The following CEP290 variants were observed in gnomAD, a reference collection of about 807,000 sequenced individuals.
CEP290 encodes the protein centrosomal protein 290.
CEP290 carries 317 observed loss-of-function variants against 344.9 expected under a neutral mutation model. The observed-to-expected ratio is 0.92, with a 90% confidence interval of 0.84 to 1.01. The LOEUF (loss-of-function observed/expected upper bound fraction) is 1.01. Among genes scored for constraint, CEP290 ranks in the 50% least tolerant of loss-of-function variants. The pLI is 0.00. For missense variants in CEP290, 2,754 were observed against 2,761.4 expected (o/e 1.00, Z 0.06); for synonymous variants, 932 against 895.8 (o/e 1.04, Z -0.72).
Position 88,106,759 on chromosome 12 carries a change from TC to T in CEP290, c.2732del (p.Arg911LysfsTer43). Reference protein sequence around the residue: ...TTLVELERQLRKENEKQKNEL... With the variant: ...TTLVELERQLXKENEKQKNEL... ...CATTCTTTTGCTTCTCATTTTCTTT[TC>T]TAAGTTGTCGCTCCAATTCTACTAA... On this transcript the variant is annotated frameshift_variant, in exon 25 of 54. Coordinates refer to ENST00000552810, the MANE Select transcript of CEP290 (RefSeq NM_025114.4). LOFTEE classifies it high-confidence loss of function. 6.2e-7 allele frequency: 1 copy of T among 1,610,972 alleles called. No individual in the cohort carries two copies. The highest frequency in any genetic ancestry group is 8.5e-7 in the Non-Finnish European group (1 of 1,178,360).
chr12:88,082,074 G>A (rs1160613681), intron 37 of CEP290, among the ~76,000 whole-genome samples: 1 of 152,168 alleles, frequency 6.6e-6, no homozygotes, highest in Non-Finnish European at 1.5e-5. Context: ...AGGGGCTTGA[G>A]AGCTGAAATG....
chr12:88,130,194 A>C, intron 9 of CEP290, 74 bp downstream of exon 9: 1 of 1,355,232 alleles, frequency 7.4e-7, no homozygotes, highest in Admixed American at 2.3e-5. Flanking sequence ...GTAGGGCTAA[A>C]TATTATATTT....
chr12:88,083,791 A>C, intron 36 of CEP290, 56 bp downstream of exon 36: 1 of 1,146,854 alleles, frequency 8.7e-7, no homozygotes, highest in Non-Finnish European at 1.2e-6. Flanking sequence ...GCTGAATTTT[A>C]ATTTACATGG....
chr12:88,112,198 A>G (rs2038737023), intron 20 of CEP290, among the ~76,000 whole-genome samples: 1 of 152,098 alleles, frequency 6.6e-6, no homozygotes, highest in Non-Finnish European at 1.5e-5. Context: ...AATTCTCTGT[A>G]TCTTAGTTTT....
chr12:88,083,276 C>T lies in CEP290; in HGVS notation c.4813-46G>A, dbSNP rs1026492019. The stretch of plus-strand genomic sequence containing the variant: ...AGCAATAGGCATGTATAATTCAATG[C>T]CATACTTATTCCATATTTTTAATTT... On this transcript the variant is annotated intron_variant, in intron 36 of 53. Transcript: ENST00000552810. 4 of 1,034,698 alleles carry T rather than the reference C, an allele frequency of 3.9e-6. No homozygotes were observed. In the African/African-American group the frequency reaches 5.1e-5, roughly 13 times the overall value. 64.1% of individuals were successfully genotyped at this position (1,034,698 alleles called of 1,614,324 possible). A position where few individuals can be genotyped will look rare whatever the true frequency, so the allele number is the denominator to read the frequency against.
chr12:88,083,901 G>A lies in CEP290; in HGVS notation c.4758C>T (p.His1586=), dbSNP rs896218309. The part of the protein sequence containing the change: ...KHEEDLHILH[H]RLELQADSSL... ...AACTATCAGCCTGTAGTTCTAATCT[G>A]TGATGAAGAATATGAAGGTCTTCCT... Residue 1586 remains histidine, a synonymous_variant, in exon 36 of 54, where the codon CAC becomes CAT. Coordinates refer to ENST00000552810, the MANE Select transcript of CEP290 (RefSeq NM_025114.4). The A allele has an allele frequency of 2.5e-6, 4 of 1,600,112 alleles. No individual in the cohort carries two copies. The highest frequency in any genetic ancestry group is 2.6e-6 in the Non-Finnish European group (3 of 1,173,128).
At position 88,086,088 on chromosome 12, in the gene CEP290, T is replaced by C; in HGVS notation, c.4388A>G (p.Asn1463Ser). 6.2e-7 allele frequency: 1 copy of C among 1,613,184 alleles called. No homozygotes were observed. Among genetic ancestry groups the C allele is most frequent in the Non-Finnish European group, 8.5e-7 (1 of 1,179,562 alleles). ...LEIALRKIKENIRIILETRAT... is the reference protein window; with the variant it reads ...LEIALRKIKESIRIILETRAT... Reference sequence around the variant, plus strand: ...CCGTGTTTCTAGAATTATTCGAATGTTCTCCTTAATTTTCCTTAGAGCGAT... The same window carrying C: ...CCGTGTTTCTAGAATTATTCGAATGCTCTCCTTAATTTTCCTTAGAGCGAT... Residue 1463 changes from asparagine to serine, a missense_variant, in exon 34 of 54, where the codon AAC (asparagine) becomes AGC (serine). Asn to Ser is a conservative substitution (Grantham distance 46). Transcript: ENST00000552810.
chr12:88,118,337 T>A lies in CEP290; in HGVS notation c.1711+146A>T, dbSNP rs542276970. 1.2e-5 allele frequency: 8 copies of A among 648,086 alleles called. No homozygotes were observed. The East Asian group carries it at 1.4e-4, about 11-fold the overall frequency. The allele number at this position is 648,086 out of a possible 1,614,324, so 40.1% of individuals were successfully genotyped here. A position where few individuals can be genotyped will look rare whatever the true frequency, so the allele number is the denominator to read the frequency against. ...GACTGAACCCACTGACACTCACTTA[T>A]CTCCTTCAGGTTATTATTGTCATTT... On this transcript the variant is annotated intron_variant, in intron 17 of 53. Coordinates refer to ENST00000552810, the MANE Select transcript of CEP290 (RefSeq NM_025114.4).
intron 20 of CEP290, among the ~76,000 whole-genome samples, chr12:88,113,775 C>CTA (rs2038858442): frequency 6.6e-6 from 1 of 151,554 alleles, no homozygotes; most frequent in Non-Finnish European, 1.5e-5. Context: ...CTAAATCTTT[C>CTA]TTGTAGCAAT....
At position 88,102,920 on chromosome 12, in the gene CEP290, T is replaced by C. The variant is rs951200727; in HGVS notation, c.2909A>G (p.Asn970Ser). ...SELELANKQYNELTAKYRDIL... is the reference protein window; with the variant it reads ...SELELANKQYSELTAKYRDIL... ...GTCCCTGTACTTAGCAGTCAGTTCATTGTACTGTTTATTAGCCAGTTCTAG... is the reference window on the plus strand; with the variant it reads ...GTCCCTGTACTTAGCAGTCAGTTCACTGTACTGTTTATTAGCCAGTTCTAG... Residue 970 changes from asparagine (N) to serine (S), a missense_variant, in exon 26 of 54, where the codon AAT becomes AGT. Transcript: ENST00000552810. 1.7e-5 allele frequency: 27 copies of C among 1,608,070 alleles called. No homozygotes were observed. The highest frequency in any genetic ancestry group is 2.1e-5 in the Non-Finnish European group (25 of 1,177,840).
chr12:88,117,414 C>A (rs2039119915), intron 17 of CEP290, among the ~76,000 whole-genome samples: 1 of 152,016 alleles, frequency 6.6e-6, no homozygotes, highest in African/African-American at 2.4e-5. Flanking sequence ...TAATAAGCAC[C>A]AGTTAAAAGA....
intron 31 of CEP290, among the ~76,000 whole-genome samples, chr12:88,088,530 C>T (rs2036767320): frequency 2.0e-5 from 3 of 152,036 alleles, no homozygotes. Flanking sequence ...CCACTAAAAT[C>T]TTTGGTTAGA....
chr12:88,077,276 C>G lies in CEP290; in HGVS notation c.5655G>C (p.Glu1885Asp), dbSNP rs1229896930. ...EELQRKVKKL[E>D]NQLEGKVEEV... ...CCTCCACCTTTCCCTCTAATTGGTT[C>G]TCTAGTTTTTTAACTTTCCTTTGGA... The change falls in exon 41 of 54, where the codon GAG becomes GAC. Residue 1885 changes from glutamate to aspartate, a missense_variant. Coordinates refer to ENST00000552810, the MANE Select transcript of CEP290 (RefSeq NM_025114.4). 1 of 1,604,430 alleles carries G rather than the reference C, an allele frequency of 6.2e-7. No homozygotes were observed. The highest frequency in any genetic ancestry group is 2.3e-5 in the East Asian group (1 of 44,414).
intron 41 of CEP290, among the ~76,000 whole-genome samples, chr12:88,076,251 G>A (rs899652045): frequency 6.6e-6 from 1 of 152,062 alleles, no homozygotes; most frequent in Non-Finnish European, 1.5e-5. Context: ...CGCAAATAGT[G>A]TCAATAAATT....
chr12:88,139,487 G>GTGCTTACCAAATTT lies in CEP290; in HGVS notation c.244_250+7dup. On this transcript the variant is annotated splice_region_variant and intron_variant, in intron 4 of 53. Transcript: ENST00000552810. ...AATACCATAATAAACTTTTTCCAAG[G>GTGCTTACCAAATTT]TGCTTACCAAATTTTGCTTGTTCTT... 2 of 1,593,926 alleles carry GTGCTTACCAAATTT rather than the reference G, an allele frequency of 1.3e-6. No homozygotes were observed. Among genetic ancestry groups the GTGCTTACCAAATTT allele is most frequent in the South Asian group, 2.3e-5 (2 of 86,992 alleles).
intron 26 of CEP290, among the ~76,000 whole-genome samples, chr12:88,097,457 G>C (rs1318080396): frequency 6.6e-6 from 1 of 151,924 alleles, no homozygotes; most frequent in Non-Finnish European, 1.5e-5. Flanking sequence ...TGCCATAACT[G>C]TTAAGTTTTC....
intron 26 of CEP290, among the ~76,000 whole-genome samples, chr12:88,098,821 GA>G (rs953516107): frequency 6.6e-6 from 1 of 151,964 alleles, no homozygotes; most frequent in Non-Finnish European, 1.5e-5. Flanking sequence ...GATCTGAGAG[GA>G]AAAAATGATT....
intron 23 of CEP290, among the ~76,000 whole-genome samples, chr12:88,108,286 G>A (rs1181843470): frequency 6.6e-6 from 1 of 152,058 alleles, no homozygotes; most frequent in East Asian, 1.9e-4. Context: ...AATGAGATCG[G>A]AGTCAATGTC....
chr12:88,096,989 A>T lies in CEP290; in HGVS notation c.3002T>A (p.Ile1001Asn). ...AGACTCCACTTGTTCTTTTAAGGAG[A>T]TGTTTTCACACTGAATAAAGGAAAA... is the stretch of plus-strand genomic sequence containing the variant. ...SNLEHLECEN[I>N]SLKEQVESIN... The change falls in exon 27 of 54, where the codon ATC (isoleucine) becomes AAC (asparagine). Residue 1001 changes from isoleucine to asparagine, a missense_variant. Ile to Asn is a moderately radical substitution (Grantham distance 149, BLOSUM62 -3). Transcript: ENST00000552810. 2.0e-6 allele frequency: 3 copies of T among 1,525,832 alleles called. No homozygotes were observed. The highest frequency in any genetic ancestry group is 2.7e-6 in the Non-Finnish European group (3 of 1,123,738). 94.5% of individuals were successfully genotyped at this position (1,525,832 alleles called of 1,614,324 possible). A position where few individuals can be genotyped will look rare whatever the true frequency, so the allele number is the denominator to read the frequency against.
Sources: gnomAD v4.1 joint callset for allele counts (sites outside exome capture counted in the v4.1 genomes callset) on GRCh38, gnomAD v4.1.1 for gene constraint, MANE v1.5 for transcripts, NCBI Gene and HGNC (gene_info 2026-07-23, HGNC 2026-07-21) for gene names.